The following PALM2AKAP2 variants were observed in gnomAD, a reference collection of about 807,000 sequenced individuals.
PALM2AKAP2 encodes the protein PALM2 and AKAP2 fusion.
Under a neutral mutation model 71.5 loss-of-function variants are expected in PALM2AKAP2, and 37 were observed. That is an observed-to-expected ratio of 0.52 (90% CI 0.40 to 0.68). The LOEUF (loss-of-function observed/expected upper bound fraction) is 0.68, where lower values mean the gene tolerates loss of function less well. Ranked by LOEUF, PALM2AKAP2 falls within the 30% of genes least tolerant of loss-of-function variation. The pLI, the probability that PALM2AKAP2 is intolerant of heterozygous loss-of-function variation, is 0.00. For missense variants in PALM2AKAP2, 1,224 were observed against 1,191.8 expected, an observed-to-expected ratio of 1.03 and a Z score of -0.40; for synonymous variants, 468 against 478.8, an observed-to-expected ratio of 0.98 and a Z score of 0.29.
chr9:109,684,412 A>G (rs1252147951), intron 1 of PALM2AKAP2, among the ~76,000 whole-genome samples: 1 of 152,198 alleles, frequency 6.6e-6, no homozygotes, highest in African/African-American at 2.4e-5. Flanking sequence ...CAGTGACCAC[A>G]GGGAGAAGGG....
At chr9:109,798,481 A>G (rs1383831770) in intron 1 of PALM2AKAP2, among the ~76,000 whole-genome samples, 1 of 152,190 alleles carries the variant, frequency 6.6e-6, no homozygotes. Context: ...TGCCTTGTCT[A>G]CACACTCATG....
intron 7 of PALM2AKAP2, among the ~76,000 whole-genome samples, chr9:110,037,501 C>T (rs912343672): frequency 1.1e-4 from 16 of 152,298 alleles, no homozygotes; most frequent in African/African-American, 3.6e-4. Context: ...CCACCGCACC[C>T]GGCTTCAACA....
intron 1 of PALM2AKAP2, among the ~76,000 whole-genome samples, chr9:109,728,724 A>T (rs146059984): frequency 2.6e-5 from 4 of 152,190 alleles, no homozygotes; most frequent in African/African-American, 7.2e-5. Context: ...GCAGAAAAAT[A>T]GTTCAAATTT....
intron 1 of PALM2AKAP2, among the ~76,000 whole-genome samples, chr9:109,716,636 G>T (rs189219180): frequency 6.6e-6 from 1 of 152,216 alleles, no homozygotes; most frequent in Non-Finnish European, 1.5e-5. Context: ...GAAGGCTTTA[G>T]TCAGGGATAG....
At chr9:109,752,715 C>T (rs558064679) in intron 1 of PALM2AKAP2, among the ~76,000 whole-genome samples, 2 of 152,182 alleles carry the variant, frequency 1.3e-5, no homozygotes, top group South Asian at 2.1e-4. Flanking sequence ...AAGAGGAAAA[C>T]ACTGAAGAGT....
At chr9:109,690,155 A>C (rs1233867573) in intron 1 of PALM2AKAP2, among the ~76,000 whole-genome samples, 1 of 152,206 alleles carries the variant, frequency 6.6e-6, no homozygotes, top group Non-Finnish European at 1.5e-5. Context: ...CATACCAGCC[A>C]CTGCTCACCA....
rs183120269 is a variant in PALM2AKAP2, at chr9:109,724,878, A to G, written c.6-55610A>G. 3.3e-5 allele frequency among the ~76,000 whole-genome samples: 5 copies of G among 152,334 alleles called. No homozygotes were observed. In the East Asian group the frequency reaches 9.6e-4, roughly 29 times the overall value. On this transcript the variant is annotated intron_variant, in intron 1 of 6. Coordinates refer to the PALM2AKAP2 transcript ENST00000374531. Reference sequence around the variant, plus strand: ...CAAAACATAAGAGACAAATTTGACTATATAAATATTTAAGGCATTGATCCT... The same window carrying G: ...CAAAACATAAGAGACAAATTTGACTGTATAAATATTTAAGGCATTGATCCT...
chr9:109,714,932 A>C (rs554438417), intron 1 of PALM2AKAP2, among the ~76,000 whole-genome samples: 1 of 152,314 alleles, frequency 6.6e-6, no homozygotes, highest in South Asian at 2.1e-4. Flanking sequence ...TTGTGACTGC[A>C]TCAAAGTTTA....
intron 6 of PALM2AKAP2, among the ~76,000 whole-genome samples, chr9:110,001,661 G>T (rs1832683524): frequency 6.6e-6 from 1 of 151,972 alleles, no homozygotes; most frequent in African/African-American, 2.4e-5. Context: ...GAATGTTCAT[G>T]CTTTTGTTTG....
At chr9:109,664,922 T>C (rs890358192) in intron 1 of PALM2AKAP2, among the ~76,000 whole-genome samples, 1 of 152,184 alleles carries the variant, frequency 6.6e-6, no homozygotes, top group Non-Finnish European at 1.5e-5. Context: ...TATCACTTCA[T>C]TTCATTAATT....
intron 1 of PALM2AKAP2, among the ~76,000 whole-genome samples, chr9:109,662,999 G>A (rs542472541): frequency 6.6e-6 from 1 of 151,996 alleles, no homozygotes; most frequent in South Asian, 2.1e-4. Context: ...TATTTTTGTG[G>A]GATTGGTGCT....
chr9:109,657,979 G>A (rs1271619846), intron 1 of PALM2AKAP2, among the ~76,000 whole-genome samples: 2 of 127,482 alleles, frequency 1.6e-5, no homozygotes, highest in East Asian at 4.3e-4. Context: ...TGTGTGTCAG[G>A]TTGTATGTAT....
intron 1 of PALM2AKAP2, among the ~76,000 whole-genome samples, chr9:110,114,414 A>G (rs922286969): frequency 1.3e-5 from 2 of 152,084 alleles, no homozygotes; most frequent in African/African-American, 4.8e-5. Context: ...CAAAGATCCT[A>G]TTTCCAAGTG....
intron 1 of PALM2AKAP2, among the ~76,000 whole-genome samples, chr9:110,085,743 C>T (rs539697359): frequency 1.3e-5 from 2 of 152,136 alleles, no homozygotes; most frequent in African/African-American, 4.8e-5. Flanking sequence ...TGGATAATGC[C>T]TAAAACTGAT....
intron 6 of PALM2AKAP2, among the ~76,000 whole-genome samples, chr9:109,965,248 G>T (rs1274908690): frequency 6.6e-6 from 1 of 152,126 alleles, no homozygotes; most frequent in African/African-American, 2.4e-5. Context: ...ATGCACAAAA[G>T]AATTGAGAGC....
At chr9:109,703,808 C>G (rs1158569197) in intron 1 of PALM2AKAP2, among the ~76,000 whole-genome samples, 1 of 149,936 alleles carries the variant, frequency 6.7e-6, no homozygotes, top group Non-Finnish European at 1.5e-5. Context: ...AATTAACCTA[C>G]TTGAGAATAT....
intron 1 of PALM2AKAP2, among the ~76,000 whole-genome samples, chr9:109,808,016 G>A (rs1413386307): frequency 6.6e-6 from 1 of 152,202 alleles, no homozygotes; most frequent in Non-Finnish European, 1.5e-5. Flanking sequence ...GCAGCCATAT[G>A]GAACTGTGAT....
rs904450700 is a variant in PALM2AKAP2 at position 109,665,175 on chromosome 9, G to T, written c.5+24309G>T. On this transcript the variant is annotated intron_variant, in intron 1 of 6. Coordinates refer to the PALM2AKAP2 transcript ENST00000374531. ...AGTTTGTTATTACCGACCTTCTGAAGCCTCCTTCTGTCAACTCGTCAAAGT... is the reference window on the plus strand; with the variant it reads ...AGTTTGTTATTACCGACCTTCTGAATCCTCCTTCTGTCAACTCGTCAAAGT... Among the ~76,000 whole-genome samples, 3 of 152,126 alleles carry T rather than the reference G, an allele frequency of 2.0e-5. No homozygotes were observed. The East Asian group carries it at 5.8e-4, about 29-fold the overall frequency.
At chr9:110,009,670 C>T (rs564974592) in intron 6 of PALM2AKAP2, among the ~76,000 whole-genome samples, 3 of 149,084 alleles carry the variant, frequency 2.0e-5, no homozygotes, top group South Asian at 2.1e-4. Context: ...GCTGAGATCA[C>T]GCCACTGCAC....
Sources: gnomAD v4.1 joint callset for allele counts (sites outside exome capture counted in the v4.1 genomes callset) on GRCh38, gnomAD v4.1.1 for gene constraint, MANE v1.5 for transcripts, NCBI Gene and HGNC (gene_info 2026-07-23, HGNC 2026-07-21) for gene names.